The following MYO5A variants were observed in gnomAD, a reference collection of about 807,000 sequenced individuals.
The protein encoded by MYO5A is myosin VA.
A neutral mutation model predicts 249.7 loss-of-function variants in MYO5A; 98 were observed. The observed-to-expected ratio is 0.39, with a 90% CI of 0.33 to 0.46. The LOEUF (loss-of-function observed/expected upper bound fraction) is 0.46. Ranked by LOEUF, MYO5A falls within the 20% of genes least tolerant of loss-of-function variation. MYO5A has a pLI of 0.98. For missense variants in MYO5A, 1,696 were observed against 2,308.8 expected (o/e 0.73, Z 5.44); for synonymous variants, 778 against 810.6 (o/e 0.96, Z 0.68).
chr15:52,421,384 C>A (rs928383285), intron 4 of MYO5A, among the ~76,000 whole-genome samples: 4 of 152,124 alleles, frequency 2.6e-5, no homozygotes, highest in Non-Finnish European at 5.9e-5. Flanking sequence ...CATAAGGCCA[C>A]ATAATGATGA....
intron 9 of MYO5A, among the ~76,000 whole-genome samples, chr15:52,404,231 C>A (rs1021899231): frequency 1.5e-5 from 2 of 134,312 alleles, no homozygotes; most frequent in Non-Finnish European, 3.1e-5. Context: ...CATGCCTTTG[C>A]ACTCCAGCCT....
chr15:52,435,634 G>A (rs986875353), intron 1 of MYO5A: 4 of 454,840 alleles, frequency 8.8e-6, no homozygotes, highest in African/African-American at 2.0e-5. Flanking sequence ...AAGCTGCTGT[G>A]GTATATTGCC....
At chr15:52,407,130 G>T (rs554316703) in intron 8 of MYO5A, among the ~76,000 whole-genome samples, 162 bp downstream of exon 8, 1 of 152,258 alleles carries the variant, frequency 6.6e-6, no homozygotes, top group African/African-American at 2.4e-5. Context: ...ATCCCAAAAA[G>T]AAATCTCCTG....
At chr15:52,391,390 A>G (rs2042229578) in intron 12 of MYO5A, among the ~76,000 whole-genome samples, 2 of 152,214 alleles carry the variant, frequency 1.3e-5, no homozygotes, top group Admixed American at 1.3e-4. Context: ...AATGTAACTT[A>G]CTGCATATAA....
chr15:52,457,935 A>T (rs1206768086), intron 1 of MYO5A, among the ~76,000 whole-genome samples: 1 of 152,240 alleles, frequency 6.6e-6, no homozygotes, highest in Non-Finnish European at 1.5e-5. Flanking sequence ...AAAAAAGAAT[A>T]AAATCTTGTC....
intron 1 of MYO5A, among the ~76,000 whole-genome samples, chr15:52,482,835 CCT>C (rs2076742344): frequency 6.6e-6 from 1 of 152,222 alleles, no homozygotes; most frequent in East Asian, 1.9e-4. Flanking sequence ...GACTCTATCC[CCT>C]GATGCCCCTG....
chr15:52,329,438 T>C (rs962095730), intron 35 of MYO5A, among the ~76,000 whole-genome samples: 1 of 152,188 alleles, frequency 6.6e-6, no homozygotes, highest in Non-Finnish European at 1.5e-5. Context: ...GTGTGTACAC[T>C]CTAATCATTT....
At chr15:52,339,510 T>G (rs370513148) in intron 32 of MYO5A, among the ~76,000 whole-genome samples, 1 of 151,268 alleles carries the variant, frequency 6.6e-6, no homozygotes, top group Non-Finnish European at 1.5e-5. Context: ...TTTAGAAAAT[T>G]TTTTTGGCAA....
chr15:52,359,696 A>G (rs187165214), intron 25 of MYO5A, among the ~76,000 whole-genome samples: 2 of 152,352 alleles, frequency 1.3e-5, no homozygotes, highest in African/African-American at 4.8e-5. Context: ...GGTAAAGAGA[A>G]TTATAAAAAT....
intron 32 of MYO5A, 104 bp downstream of exon 32, chr15:52,340,092 G>T: frequency 8.5e-7 from 1 of 1,171,562 alleles, no homozygotes; most frequent in South Asian, 1.3e-5. Context: ...AAGTACAGAG[G>T]GGTGAGTTTT....
At chr15:52,314,312 C>A in intron 40 of MYO5A, 109 bp from the exon 41 acceptor site, 1 of 812,114 alleles carries the variant, frequency 1.2e-6, no homozygotes, top group Non-Finnish European at 2.1e-6. Context: ...CAGTTCTACT[C>A]AGGGGTGGGC....
At chr15:52,500,383 T>C (rs1462296316) in intron 1 of MYO5A, among the ~76,000 whole-genome samples, 3 of 149,416 alleles carry the variant, frequency 2.0e-5, no homozygotes, top group African/African-American at 7.4e-5. Flanking sequence ...TTTCGCTCTT[T>C]TTACCCGAGC....
chr15:52,349,565 A>C (rs2039836392), intron 28 of MYO5A, among the ~76,000 whole-genome samples: 1 of 152,010 alleles, frequency 6.6e-6, no homozygotes, highest in Non-Finnish European at 1.5e-5. Context: ...TAGCAGAACT[A>C]TGTGCTCTGT....
intron 18 of MYO5A, among the ~76,000 whole-genome samples, chr15:52,378,750 T>C (rs931553526): frequency 6.6e-5 from 10 of 152,248 alleles, no homozygotes; most frequent in Admixed American, 5.9e-4. Context: ...AAACTTTTCA[T>C]GAATCTTTAA....
At chr15:52,511,530 C>CAAG (rs1276223788) in intron 1 of MYO5A, among the ~76,000 whole-genome samples, 1 of 152,204 alleles carries the variant, frequency 6.6e-6, no homozygotes, top group Non-Finnish European at 1.5e-5. Flanking sequence ...AATATGCATG[C>CAAG]AAGAGCTTGA....
intron 28 of MYO5A, among the ~76,000 whole-genome samples, chr15:52,350,386 C>G (rs190828273): frequency 7.5e-4 from 114 of 151,736 alleles, no homozygotes; most frequent in South Asian, 1.7e-3. Flanking sequence ...TCATCAAGTC[C>G]GATTATACGT....
chr15:52,511,113 A>G (rs575746715), intron 1 of MYO5A, among the ~76,000 whole-genome samples: 96 of 152,324 alleles, frequency 6.3e-4, no homozygotes, highest in African/African-American at 2.2e-3. Context: ...TTTTCCTGAG[A>G]CAAAGGCACT....
At chr15:52,499,432 C>G (rs2077108276) in intron 1 of MYO5A, among the ~76,000 whole-genome samples, 1 of 152,146 alleles carries the variant, frequency 6.6e-6, no homozygotes, top group South Asian at 2.1e-4. Flanking sequence ...CACCGTCTGT[C>G]CACAGAACTT....
chr15:52,383,140 G>C lies in MYO5A; in HGVS notation c.1963C>G (p.Pro655Ala), dbSNP rs1488069903. 6.2e-7 allele frequency: 1 copy of C among 1,613,972 alleles called. No individual in the cohort carries two copies. The highest frequency in any genetic ancestry group is 2.2e-5 in the East Asian group (1 of 44,890). Residue 655 changes from proline to alanine, a missense_variant, in exon 16 of 42, where the codon CCT (proline) becomes GCT (alanine). This residue lies in a region of MYO5A where 277 missense variants were observed against 422.4 expected (regional missense o/e 0.66). Coordinates refer to ENST00000399233, the MANE Select transcript of MYO5A (RefSeq NM_001382347.1). ...GGCTTGATACAGCGCACATAGTGAG[G>C]GGTAGTGGCATTGAGTGTCTCCATA... ...LLMETLNATT[P>A]HYVRCIKPND...
Sources: gnomAD v4.1 joint callset for allele counts (sites outside exome capture counted in the v4.1 genomes callset) on GRCh38, gnomAD v4.1.1 for gene constraint, gnomAD v4.1.1 regional missense constraint, MANE v1.5 for transcripts, NCBI Gene and HGNC (gene_info 2026-07-23, HGNC 2026-07-21) for gene names.